CATSPERB: variants seen among roughly 807,000 people sequenced by gnomAD.
CATSPERB encodes catsper channel auxiliary subunit beta.
CATSPERB carries 93 observed loss-of-function variants against 128.3 expected under a neutral mutation model. The ratio of observed to expected loss-of-function variants is 0.72; its 90% CI spans 0.61 to 0.86. CATSPERB has a LOEUF of 0.86. Ranked by LOEUF, CATSPERB falls within the 40% of genes least tolerant of loss-of-function variation. CATSPERB has a pLI of 0.00. For synonymous variants in CATSPERB, 381 were observed against 448.8 expected, an observed-to-expected ratio of 0.85 and a Z score of 1.91; for missense variants, 1,153 against 1,329.5, an observed-to-expected ratio of 0.87 and a Z score of 2.06.
intron 19 of CATSPERB, among the ~76,000 whole-genome samples, chr14:91,620,542 AT>A (rs2078135244): frequency 6.6e-6 from 1 of 151,674 alleles, no homozygotes; most frequent in Non-Finnish European, 1.5e-5. Context: ...ATTTACTAAA[AT>A]TTTTTGTTTT....
intron 4 of CATSPERB, among the ~76,000 whole-genome samples, chr14:91,722,673 T>C (rs1219302580): frequency 1.3e-5 from 2 of 152,132 alleles, no homozygotes; most frequent in Non-Finnish European, 2.9e-5. Context: ...CTTAATAAAG[T>C]TGTTGCCAAA....
chr14:91,666,908 G>T (rs976997897), intron 14 of CATSPERB, among the ~76,000 whole-genome samples: 20 of 152,310 alleles, frequency 1.3e-4, no homozygotes, highest in Admixed American at 1.2e-3. Flanking sequence ...CGCCCGAGAT[G>T]ATCTCTTAGA....
chr14:91,610,883 A>G (rs939087594), intron 20 of CATSPERB, among the ~76,000 whole-genome samples: 1 of 151,358 alleles, frequency 6.6e-6, no homozygotes, highest in Non-Finnish European at 1.5e-5. Context: ...TCATCTTATA[A>G]GAAGAGGAGA....
intron 12 of CATSPERB, among the ~76,000 whole-genome samples, chr14:91,673,820 T>G (rs1895142492): frequency 6.6e-6 from 1 of 151,714 alleles, no homozygotes; most frequent in African/African-American, 2.4e-5. Flanking sequence ...GAGGCAGAGG[T>G]TGCAGTGAGC....
intron 26 of CATSPERB, 115 bp from the exon 27 acceptor site, chr14:91,581,222 G>C: frequency 1.3e-6 from 1 of 772,448 alleles, no homozygotes; most frequent in Non-Finnish European, 2.1e-6. Flanking sequence ...GAGTTACAAA[G>C]ACATTCAGCA....
intron 7 of CATSPERB, 123 bp downstream of exon 7, chr14:91,704,429 A>T: frequency 1.1e-6 from 1 of 906,696 alleles, no homozygotes; most frequent in Non-Finnish European, 1.6e-6. Context: ...ATAAATTTTT[A>T]GGTATTTTTA....
intron 5 of CATSPERB, among the ~76,000 whole-genome samples, chr14:91,713,398 A>G (rs907439410): frequency 6.6e-6 from 1 of 152,186 alleles, no homozygotes; most frequent in African/African-American, 2.4e-5. Context: ...AAATCAAAAG[A>G]TGTCTCTTTG....
intron 20 of CATSPERB, among the ~76,000 whole-genome samples, chr14:91,612,172 A>G (rs1893846697): frequency 1.3e-5 from 2 of 151,844 alleles, no homozygotes; most frequent in African/African-American, 4.8e-5. Context: ...CGATCCTCTC[A>G]CCTCAGCTTC....
chr14:91,704,696 T>C lies in CATSPERB; in HGVS notation c.472A>G (p.Ile158Val). The C allele has an allele frequency of 6.2e-7, 1 of 1,612,770 alleles. No homozygotes were observed. Among genetic ancestry groups the C allele is most frequent in the Non-Finnish European group, 8.5e-7 (1 of 1,179,478 alleles). ...GTLLDVIREP[I>V]LQWTPGDVIP... Reference sequence around the variant, plus strand: ...ACATCCCCAGGAGTCCACTGAAGAATCGGTTCTGTGGAAATCAAATTTGGG... The same window carrying C: ...ACATCCCCAGGAGTCCACTGAAGAACCGGTTCTGTGGAAATCAAATTTGGG... Residue 158 changes from isoleucine (I) to valine (V), a missense_variant, in exon 7 of 27, where the codon ATT becomes GTT. By Grantham distance (29) the Ile-to-Val change is conservative. Transcript: ENST00000256343.
intron 11 of CATSPERB, among the ~76,000 whole-genome samples, chr14:91,675,756 C>T (rs930395606): frequency 1.3e-5 from 2 of 152,098 alleles, no homozygotes; most frequent in African/African-American, 4.8e-5. Flanking sequence ...CCTGTCTAAG[C>T]CCCCCACTCA....
chr14:91,726,033 A>G (rs547920871), intron 2 of CATSPERB, among the ~76,000 whole-genome samples: 24 of 152,236 alleles, frequency 1.6e-4, no homozygotes, highest in African/African-American at 5.8e-4. Context: ...AGAGGCCAAA[A>G]TCCAGGGGAA....
At chr14:91,584,071 T>C (rs1269211939) in intron 26 of CATSPERB, among the ~76,000 whole-genome samples, 2 of 151,760 alleles carry the variant, frequency 1.3e-5, no homozygotes, top group Admixed American at 6.6e-5. Context: ...TTCTTTTTTT[T>C]CCTTTTTTTT....
At chr14:91,619,962 C>T (rs1269763617) in intron 19 of CATSPERB, among the ~76,000 whole-genome samples, 1 of 149,910 alleles carries the variant, frequency 6.7e-6, no homozygotes, top group African/African-American at 2.5e-5. Flanking sequence ...TCTCAGACTC[C>T]TGGGCTCAAG....
intron 6 of CATSPERB, among the ~76,000 whole-genome samples, chr14:91,706,823 T>C (rs1383930317): frequency 6.6e-6 from 1 of 152,116 alleles, no homozygotes; most frequent in Non-Finnish European, 1.5e-5. Context: ...TTTTCCCCCA[T>C]CTTAGTCCAC....
chr14:91,665,946 C>G (rs1466898018), intron 14 of CATSPERB, among the ~76,000 whole-genome samples: 3 of 152,130 alleles, frequency 2.0e-5, no homozygotes, highest in Non-Finnish European at 4.4e-5. Flanking sequence ...CCCCATAATC[C>G]CCAGGTGTTG....
At position 91,624,898 on chromosome 14, in the gene CATSPERB, T is replaced by A; in HGVS notation, c.1852A>T (p.Asn618Tyr). ...MKEPFGLEEV[N>Y]ESSCLSSSLL... is the part of the protein sequence containing the mutation. Reference sequence around the variant, plus strand: ...GAACTAGACAAACAAGAGCTCTCATTCACTTCTTCTAATCCAAAGGGCTCT... The same window carrying A: ...GAACTAGACAAACAAGAGCTCTCATACACTTCTTCTAATCCAAAGGGCTCT... The change falls in exon 18 of 27, where the codon AAT becomes TAT. Residue 618 changes from asparagine (N) to tyrosine (Y), a missense_variant. Coordinates refer to ENST00000256343, the MANE Select transcript of CATSPERB (RefSeq NM_024764.4). 2.5e-6 allele frequency: 4 copies of A among 1,613,012 alleles called. No homozygotes were observed. Among genetic ancestry groups the A allele is most frequent in the Non-Finnish European group, 3.4e-6 (4 of 1,179,622 alleles).
At chr14:91,625,502 C>T (rs1481732095) in intron 17 of CATSPERB, among the ~76,000 whole-genome samples, 2 of 152,096 alleles carry the variant, frequency 1.3e-5, no homozygotes. Flanking sequence ...AATGATATTA[C>T]ATGATTTACT....
intron 7 of CATSPERB, among the ~76,000 whole-genome samples, chr14:91,701,189 A>T (rs1474676165): frequency 2.0e-5 from 3 of 152,130 alleles, no homozygotes; most frequent in Non-Finnish European, 4.4e-5. Context: ...AGCGGTGAGG[A>T]GGTCACCAAA....
At chr14:91,601,260 T>C (rs1893603529) in intron 22 of CATSPERB, among the ~76,000 whole-genome samples, 1 of 152,232 alleles carries the variant, frequency 6.6e-6, no homozygotes, top group South Asian at 2.1e-4. Context: ...GTGATCTTTT[T>C]CCTGAGAAAG....
Sources: gnomAD v4.1 joint callset for allele counts (sites outside exome capture counted in the v4.1 genomes callset) on GRCh38, gnomAD v4.1.1 for gene constraint, MANE v1.5 for transcripts, NCBI Gene and HGNC (gene_info 2026-07-23, HGNC 2026-07-21) for gene names.